PRKCE: variants seen among roughly 807,000 people sequenced by gnomAD.
PRKCE encodes protein kinase C epsilon.
A neutral mutation model predicts 85.4 loss-of-function variants in PRKCE; 16 were observed. The ratio of observed to expected loss-of-function variants is 0.19; its 90% CI spans 0.13 to 0.28. The LOEUF is 0.28. Ranked by LOEUF, PRKCE falls within the 10% of genes least tolerant of loss-of-function variation. The pLI is 1.00. For synonymous variants in PRKCE, 388 were observed against 371.5 expected (o/e 1.04, Z -0.51); for missense variants, 573 against 975.2 (o/e 0.59, Z 5.49).
chr2:45,869,706 C>CTCTTT (rs1553436172), intron 2 of PRKCE, among the ~76,000 whole-genome samples: 2 of 109,308 alleles, frequency 1.8e-5, no homozygotes, highest in African/African-American at 6.9e-5. Context: ...TTCTCTCTCT[C>CTCTTT]TTTTTTTTTT....
chr2:46,131,307 G>A (rs1173733215), intron 11 of PRKCE, among the ~76,000 whole-genome samples: 1 of 152,206 alleles, frequency 6.6e-6, no homozygotes, highest in Admixed American at 6.5e-5. Context: ...AAGTGGTCTT[G>A]AAGCTGTGCC....
At chr2:46,170,096 C>A (rs937242863) in intron 14 of PRKCE, among the ~76,000 whole-genome samples, 5 of 152,128 alleles carry the variant, frequency 3.3e-5, no homozygotes, top group Non-Finnish European at 7.4e-5. Context: ...AATAAATGCA[C>A]CCATTTCAAG....
At position 45,905,245 on chromosome 2, in the gene PRKCE, A is replaced by G. The variant is rs1191666176; in HGVS notation, c.412+62182A>G. On this transcript the variant is annotated intron_variant, in intron 2 of 14. Transcript: ENST00000306156. The surrounding 1 kb of genome is among the most constrained non-coding windows in gnomAD (Gnocchi z 4.4). The stretch of plus-strand genomic sequence containing the variant: ...GGAACCTCTTGGCTGGCTCTCCAAC[A>G]TAGCCCACGCTAACCCAGTTTTGGA... Among the ~76,000 whole-genome samples the G allele has an allele frequency of 6.6e-6, 1 of 152,236 alleles. No homozygotes were observed. Among genetic ancestry groups the G allele is most frequent in the Non-Finnish European group, 1.5e-5 (1 of 68,038 alleles).
intron 10 of PRKCE, among the ~76,000 whole-genome samples, chr2:46,056,711 T>C (rs577901705): frequency 6.6e-6 from 1 of 152,346 alleles, no homozygotes; most frequent in South Asian, 2.1e-4. Context: ...GATTTTGCCA[T>C]CATCATGTCA....
intron 10 of PRKCE, among the ~76,000 whole-genome samples, chr2:46,037,912 C>A (rs570634102): frequency 6.6e-6 from 1 of 152,290 alleles, no homozygotes; most frequent in East Asian, 1.9e-4. Flanking sequence ...ATGACTGAAA[C>A]TCCTTGATGC....
intron 10 of PRKCE, among the ~76,000 whole-genome samples, chr2:46,081,176 A>G (rs968572023): frequency 1.3e-5 from 2 of 152,078 alleles, no homozygotes; most frequent in East Asian, 1.9e-4. Flanking sequence ...ATTTTTTTGT[A>G]TAGACAGGGT....
At chr2:45,896,665 G>A (rs1696167159) in intron 2 of PRKCE, among the ~76,000 whole-genome samples, 2 of 152,338 alleles carry the variant, frequency 1.3e-5, no homozygotes, top group Admixed American at 6.5e-5. Flanking sequence ...TTTTATTGGA[G>A]TAGATTGCAG....
chr2:46,088,723 G>T (rs1191978963), intron 11 of PRKCE, among the ~76,000 whole-genome samples: 1 of 152,156 alleles, frequency 6.6e-6, no homozygotes, highest in Non-Finnish European at 1.5e-5. Context: ...TCAAGGCTGT[G>T]CATTGTTAGG....
At chr2:46,031,594 G>GTGTGTC (rs1707522839) in intron 10 of PRKCE, among the ~76,000 whole-genome samples, 2 of 22,394 alleles carry the variant, frequency 8.9e-5, no homozygotes, top group African/African-American at 2.2e-4. Flanking sequence ...TTCTGCTCGT[G>GTGTGTC]TGTGTGTGTG....
intron 1 of PRKCE, among the ~76,000 whole-genome samples, chr2:45,783,261 GGGTTT>G (rs1026193015): frequency 3.3e-5 from 5 of 152,176 alleles, no homozygotes; most frequent in Non-Finnish European, 5.9e-5. Flanking sequence ...CAAATACTCA[GGGTTT>G]TCTTTAGCTA....
At chr2:45,985,124 G>A (rs1306287659) in intron 6 of PRKCE, among the ~76,000 whole-genome samples, 1 of 152,160 alleles carries the variant, frequency 6.6e-6, no homozygotes, top group African/African-American at 2.4e-5. Flanking sequence ...GTCACATAAG[G>A]TAGCTTGCTG....
At chr2:45,980,838 G>A (rs916837858) in intron 5 of PRKCE, among the ~76,000 whole-genome samples, 6 of 152,194 alleles carry the variant, frequency 3.9e-5, no homozygotes, top group African/African-American at 7.2e-5. Flanking sequence ...GGAATAAAAA[G>A]AGTCAACATT....
intron 1 of PRKCE, among the ~76,000 whole-genome samples, chr2:45,731,787 C>G (rs995606194): frequency 1.3e-5 from 2 of 151,946 alleles, no homozygotes; most frequent in Non-Finnish European, 2.9e-5. Context: ...CCACACCTGG[C>G]TAGAATTTTT....
intron 1 of PRKCE, among the ~76,000 whole-genome samples, chr2:45,814,337 C>T (rs1688866628): frequency 6.6e-6 from 1 of 152,170 alleles, no homozygotes; most frequent in Admixed American, 6.5e-5. Context: ...GCCCCGATAC[C>T]CTTGCCTCGC....
chr2:45,934,480 C>G (rs1365242578), intron 2 of PRKCE, among the ~76,000 whole-genome samples: 1 of 151,940 alleles, frequency 6.6e-6, no homozygotes, highest in Non-Finnish European at 1.5e-5. Flanking sequence ...AAAACCCCAT[C>G]TCTACTAAAA....
intron 10 of PRKCE, 116 bp downstream of exon 10, chr2:46,010,633 T>A: frequency 6.3e-7 from 1 of 1,599,302 alleles, no homozygotes; most frequent in Non-Finnish European, 8.5e-7. Flanking sequence ...GTGGGATGGG[T>A]TTTACCCTTG....
At chr2:45,801,768 C>A (rs576021811) in intron 1 of PRKCE, among the ~76,000 whole-genome samples, 1 of 152,212 alleles carries the variant, frequency 6.6e-6, no homozygotes, top group East Asian at 1.9e-4. Flanking sequence ...TCCTGGCTGT[C>A]CATGGGACAG....
In PRKCE at chr2:45,786,411, C is replaced by G. The variant is rs1314112688; in HGVS notation, c.349-56589C>G. On this transcript the variant is annotated intron_variant, in intron 1 of 14. Transcript: ENST00000306156. The surrounding 1 kb of genome is among the most constrained non-coding windows in gnomAD (Gnocchi z 5.3). The stretch of plus-strand genomic sequence containing the variant: ...CTGTGACATCAGTGAAGTTTGTATT[C>G]CCTACCGCAACTTCCGTTTCTGTAC... 6.6e-6 allele frequency among the ~76,000 whole-genome samples: 1 copy of G among 152,194 alleles called. No homozygotes were observed. The highest frequency in any genetic ancestry group is 1.5e-5 in the Non-Finnish European group (1 of 68,042).
At chr2:45,949,737 A>G (rs1229214598) in intron 2 of PRKCE, among the ~76,000 whole-genome samples, 3 of 151,952 alleles carry the variant, frequency 2.0e-5, no homozygotes, top group African/African-American at 7.2e-5. Flanking sequence ...TGGACCTAGG[A>G]TCATATTTAT....
Sources: allele counts gnomAD v4.1 joint callset (sites outside exome capture counted in the v4.1 genomes callset), GRCh38; gene constraint gnomAD v4.1.1; non-coding constraint Gnocchi (gnomAD v3.1); transcripts MANE v1.5; gene names NCBI Gene and HGNC (gene_info 2026-07-23, HGNC 2026-07-21).